Variants in ZMYND8 observed in about 807,000 individuals in gnomAD.
The protein encoded by ZMYND8 is zinc finger MYND-type containing 8, also known as MYND-type zinc finger-containing chromatin reader ZMYND8.
A neutral mutation model predicts 140.8 loss-of-function variants in ZMYND8; 37 were observed. The observed-to-expected ratio is 0.26, with a 90% CI of 0.20 to 0.35. ZMYND8 has a LOEUF of 0.35. Among genes scored for constraint, ZMYND8 ranks in the 10% least tolerant of loss-of-function variants. ZMYND8 has a pLI of 1.00. For missense variants in ZMYND8, 1,068 were observed against 1,570.0 expected, an observed-to-expected ratio of 0.68 and a Z score of 5.40; for synonymous variants, 592 against 597.1, an observed-to-expected ratio of 0.99 and a Z score of 0.12.
intron 7 of ZMYND8, among the ~76,000 whole-genome samples, chr20:47,288,417 G>A (rs547275495): frequency 1.5e-5 from 2 of 129,664 alleles, no homozygotes; most frequent in East Asian, 4.4e-4. Context: ...TTTTGAGATG[G>A]AGTCTCGTTC....
At chr20:47,255,722 G>A (rs796523160) in intron 12 of ZMYND8, among the ~76,000 whole-genome samples, 31 of 77,740 alleles carry the variant, frequency 4.0e-4, no homozygotes, top group African/African-American at 1.2e-3. Flanking sequence ...GTGTATGTGT[G>A]TATATATATA....
chr20:47,249,736 A>G (rs2074015556), intron 12 of ZMYND8, among the ~76,000 whole-genome samples: 1 of 152,200 alleles, frequency 6.6e-6, no homozygotes, highest in East Asian at 1.9e-4. Flanking sequence ...GGAAGTCAAC[A>G]TCATTAGGGA....
intron 7 of ZMYND8, among the ~76,000 whole-genome samples, chr20:47,288,423 C>T (rs751641547): frequency 4.6e-5 from 6 of 130,914 alleles, no homozygotes; most frequent in Admixed American, 3.5e-4. Context: ...GATGGAGTCT[C>T]GTTCTGTCAC....
intron 17 of ZMYND8, among the ~76,000 whole-genome samples, chr20:47,229,145 C>T (rs1332845200): frequency 1.3e-5 from 2 of 150,822 alleles, no homozygotes; most frequent in African/African-American, 4.9e-5. Flanking sequence ...CCATCTCCTG[C>T]TTGTTTTTTT....
chr20:47,327,763 C>T (rs1257251827), intron 2 of ZMYND8, among the ~76,000 whole-genome samples: 2 of 152,176 alleles, frequency 1.3e-5, no homozygotes, highest in African/African-American at 2.4e-5. Context: ...CCCTGTTTGC[C>T]GAGGTCTCCA....
chr20:47,352,117 G>C (rs2082834574), intron 1 of ZMYND8: 1 of 661,856 alleles, frequency 1.5e-6, no homozygotes, highest in Non-Finnish European at 1.9e-6. Context: ...AGACGGACAG[G>C]TGTCTGTGCA....
At chr20:47,340,835 A>C (rs970853188) in intron 2 of ZMYND8, among the ~76,000 whole-genome samples, 20 of 152,144 alleles carry the variant, frequency 1.3e-4, no homozygotes, top group African/African-American at 4.6e-4. Context: ...AGCAGCCAGC[A>C]TTCTAGCAGA....
chr20:47,240,551 G>A (rs927239537), intron 14 of ZMYND8, among the ~76,000 whole-genome samples: 3 of 151,610 alleles, frequency 2.0e-5, no homozygotes, highest in Admixed American at 6.6e-5. Context: ...TAAATAAAAT[G>A]AGTTTATTTT....
intron 5 of ZMYND8, among the ~76,000 whole-genome samples, chr20:47,293,764 T>A (rs541510150): frequency 6.6e-6 from 1 of 152,206 alleles, no homozygotes; most frequent in African/African-American, 2.4e-5. Context: ...ATTGCCCAAT[T>A]GATATGGTTT....
intron 2 of ZMYND8, among the ~76,000 whole-genome samples, chr20:47,343,739 T>C (rs1392764894): frequency 1.3e-5 from 2 of 152,122 alleles, no homozygotes; most frequent in Non-Finnish European, 2.9e-5. Flanking sequence ...TCAAGTGATC[T>C]GCCCGCCTTG....
At chr20:47,272,080 C>T (rs1029005284) in intron 11 of ZMYND8, among the ~76,000 whole-genome samples, 8 of 150,532 alleles carry the variant, frequency 5.3e-5, no homozygotes, top group African/African-American at 2.0e-4. Flanking sequence ...AATATGAAAC[C>T]TCTTTTTTTT....
Position 47,276,680 on chromosome 20 carries a change from T to G in ZMYND8, c.1114A>C (p.Asn372His). The G allele has an allele frequency of 6.2e-7, 1 of 1,613,898 alleles. No individual in the cohort carries two copies. Among genetic ancestry groups the G allele is most frequent in the South Asian group, 1.1e-5 (1 of 91,056 alleles). Residue 372 changes from asparagine (N) to histidine (H), a missense_variant, in exon 11 of 23, where the codon AAC (asparagine) becomes CAC (histidine). Physicochemically the swap from Asn to His is moderately conservative, Grantham distance 68 (BLOSUM62 1). Around this residue, in one of 10 missense-constraint regions of ZMYND8, gnomAD observed 49 missense variants for 94.1 expected, o/e 0.52. Coordinates refer to ENST00000471951, the MANE Select transcript of ZMYND8 (RefSeq NM_001281775.3). ...AAAACCCCAAACTTCCTGCGGATGT[T>G]CTCCACGTAAACCTCCATCTCTTGC... ...AMQEMEVYVE[N>H]IRRKFGVFNY...
intron 10 of ZMYND8, among the ~76,000 whole-genome samples, chr20:47,279,684 A>T (rs2076483219): frequency 6.6e-6 from 1 of 151,934 alleles, no homozygotes; most frequent in Admixed American, 6.5e-5. Context: ...GATAAAATAG[A>T]CATAAAAGCA....
chr20:47,220,143 C>T (rs2036734651), intron 21 of ZMYND8, 115 bp downstream of exon 21: 1 of 944,064 alleles, frequency 1.1e-6, no homozygotes, highest in Non-Finnish European at 1.6e-6. Flanking sequence ...CCTAAGGATC[C>T]ATAATCGTTT....
chr20:47,233,019 G>A (rs1460711392), intron 16 of ZMYND8, among the ~76,000 whole-genome samples: 1 of 150,200 alleles, frequency 6.7e-6, no homozygotes, highest in Non-Finnish European at 1.5e-5. Context: ...CAATTCTCCT[G>A]CTTCAGCCTC....
At position 47,209,800 on chromosome 20, in the gene ZMYND8, C is replaced by T. The variant is rs182523212; in HGVS notation, c.*961G>A. 2.8e-4 allele frequency: 43 copies of T among 152,732 alleles called. No individual in the cohort carries two copies. Among genetic ancestry groups the T allele is most frequent in the African/African-American group, 8.7e-4 (36 of 41,564 alleles). 9.5% of individuals were successfully genotyped at this position (152,732 alleles called of 1,614,324 possible). On this transcript the variant is annotated 3_prime_UTR_variant, in exon 23 of 23. Coordinates refer to ENST00000471951, the MANE Select transcript of ZMYND8 (RefSeq NM_001281775.3). Reference sequence around the variant, plus strand: ...CCTGTGTTTCATGCTTACATAAAAACGTGAAATTCCATCATATAAATAATA... The same window carrying T: ...CCTGTGTTTCATGCTTACATAAAAATGTGAAATTCCATCATATAAATAATA...
chr20:47,303,398 AATACAATAG>A (rs1242924147), intron 3 of ZMYND8, among the ~76,000 whole-genome samples: 1 of 152,210 alleles, frequency 6.6e-6, no homozygotes, highest in Non-Finnish European at 1.5e-5. Flanking sequence ...GTAAGTTAAT[AATACAATAG>A]GAAGAGTTGT....
At chr20:47,305,561 C>CAAA (rs3092386) in intron 3 of ZMYND8, among the ~76,000 whole-genome samples, 3 of 126,610 alleles carry the variant, frequency 2.4e-5, no homozygotes, top group African/African-American at 7.9e-5. Context: ...TTGTTTCTTT[C>CAAA]AAAAAAAAAA....
chr20:47,213,916 T>G (rs1472332442), intron 21 of ZMYND8, among the ~76,000 whole-genome samples: 1 of 152,216 alleles, frequency 6.6e-6, no homozygotes, highest in Non-Finnish European at 1.5e-5. Flanking sequence ...AAACTGGAAC[T>G]AGGAAGAGTT....
Sources: gnomAD v4.1 joint callset for allele counts (sites outside exome capture counted in the v4.1 genomes callset) on GRCh38, gnomAD v4.1.1 for gene constraint, gnomAD v4.1.1 regional missense constraint, MANE v1.5 for transcripts, NCBI Gene and HGNC (gene_info 2026-07-23, HGNC 2026-07-21) for gene names.